DGLUCY: variants seen among roughly 807,000 people sequenced by gnomAD.
DGLUCY encodes D-glutamate cyclase.
A neutral mutation model predicts 58.5 loss-of-function variants in DGLUCY; 58 were observed. That is an observed-to-expected ratio of 0.99 (90% CI 0.80 to 1.23). DGLUCY has a LOEUF of 1.23. Among genes scored for constraint, DGLUCY ranks in the 50% most tolerant of loss-of-function variants. DGLUCY has a pLI of 0.00. For missense variants in DGLUCY, 779 were observed against 784.7 expected (o/e 0.99, Z 0.09); for synonymous variants, 325 against 314.1 (o/e 1.03, Z -0.37).
intron 1 of DGLUCY, among the ~76,000 whole-genome samples, chr14:91,127,013 G>A (rs1387882005): frequency 6.6e-6 from 1 of 151,042 alleles, no homozygotes; most frequent in Admixed American, 6.6e-5. Flanking sequence ...AAGCAAAGCT[G>A]GCCGATGTAC....
intron 8 of DGLUCY, among the ~76,000 whole-genome samples, chr14:91,184,897 C>T (rs1052908205): frequency 3.9e-5 from 6 of 152,136 alleles, no homozygotes; most frequent in Admixed American, 6.5e-5. Context: ...AAACCCACCA[C>T]AGATACACCT....
chr14:91,219,958 C>T (rs4259984), intron 13 of DGLUCY, among the ~76,000 whole-genome samples: 26,718 of 152,172 alleles, frequency 0.18, 3,237 homozygotes, highest in Non-Finnish European at 0.26. Flanking sequence ...GATGAGGCCT[C>T]GGGAAGCCCC....
At chr14:91,128,010 C>T (rs1427218989) in intron 1 of DGLUCY, among the ~76,000 whole-genome samples, 1 of 151,044 alleles carries the variant, frequency 6.6e-6, no homozygotes, top group African/African-American at 2.4e-5. Context: ...GAGGCTTTGG[C>T]TACCTTGCAC....
In DGLUCY at chr14:91,170,045, C is replaced by T; in HGVS notation, c.300C>T (p.Cys100=). The T allele has an allele frequency of 6.2e-7, 1 of 1,612,330 alleles. No homozygotes were observed. Among genetic ancestry groups the T allele is most frequent in the Middle Eastern group, 2.2e-4 (1 of 4,508 alleles). The change falls in exon 5 of 14, where the codon TGC becomes TGT. Residue 100 remains cysteine (C), a synonymous_variant. Coordinates refer to ENST00000256324, the MANE Select transcript of DGLUCY (RefSeq NM_001102368.3). Reference sequence around the variant, plus strand: ...TCTGGAAATACGAGTTCGGTGCCTGCACCGGCAGCCTGGCTTCGCTGGAGC... The same window carrying T: ...TCTGGAAATACGAGTTCGGTGCCTGTACCGGCAGCCTGGCTTCGCTGGAGC... ...PQFWKYEFGA[C]TGSLASLEQY...
At chr14:91,188,847 A>G (rs1451073672) in intron 8 of DGLUCY, 63 bp from the exon 9 acceptor site, 21 of 1,495,968 alleles carry the variant, frequency 1.4e-5, no homozygotes, top group Non-Finnish European at 1.9e-5. Context: ...AAATACATAC[A>G]TACATACATA....
chr14:91,162,773 T>A (rs542676172), intron 3 of DGLUCY, among the ~76,000 whole-genome samples: 1 of 152,052 alleles, frequency 6.6e-6, no homozygotes, highest in African/African-American at 2.4e-5. Context: ...GGTGTGCACC[T>A]GTAGTCCCAG....
At chr14:91,204,356 G>C (rs1244251676) in intron 11 of DGLUCY, among the ~76,000 whole-genome samples, 1 of 152,118 alleles carries the variant, frequency 6.6e-6, no homozygotes, top group South Asian at 2.1e-4. Flanking sequence ...CCCCCGGGGG[G>C]CTCAGTGAGC....
intron 6 of DGLUCY, 154 bp downstream of exon 6, chr14:91,173,593 G>A: frequency 1.8e-6 from 2 of 1,126,686 alleles, no homozygotes; most frequent in Non-Finnish European, 2.4e-6. Context: ...CTCTCTTGGA[G>A]TTGGGCCTAA....
intron 12 of DGLUCY, among the ~76,000 whole-genome samples, chr14:91,208,103 GCAGAATT>G (rs1280594357): frequency 3.3e-5 from 5 of 152,118 alleles, no homozygotes; most frequent in Admixed American, 1.3e-4. Flanking sequence ...AGCAACCAAT[GCAGAATT>G]CTGTGCCCTG....
At chr14:91,161,913 C>T (rs1287916258) in intron 3 of DGLUCY, among the ~76,000 whole-genome samples, 2 of 151,534 alleles carry the variant, frequency 1.3e-5, no homozygotes, top group Admixed American at 1.3e-4. Flanking sequence ...TAGTCTACAG[C>T]AACCTGTTAT....
chr14:91,101,620 G>C (rs1280716425), intron 1 of DGLUCY, among the ~76,000 whole-genome samples: 2 of 152,160 alleles, frequency 1.3e-5, no homozygotes, highest in Non-Finnish European at 2.9e-5. Flanking sequence ...TCATAAAATT[G>C]GCTTATGGAC....
At chr14:91,212,572 C>T (rs1487457818) in intron 12 of DGLUCY, among the ~76,000 whole-genome samples, 2 of 152,312 alleles carry the variant, frequency 1.3e-5, no homozygotes, top group East Asian at 1.9e-4. Context: ...CATAGTGGCT[C>T]ATGCCTGTAA....
intron 13 of DGLUCY, 30 bp downstream of exon 13, chr14:91,215,586 G>A (rs200390996): frequency 4.0e-5 from 65 of 1,613,014 alleles, no homozygotes; most frequent in Non-Finnish European, 8.5e-6. Context: ...CGCTCGCCTG[G>A]AAGCAGCTTT....
chr14:91,149,896 CAG>C (rs1219306551), intron 1 of DGLUCY, among the ~76,000 whole-genome samples: 11 of 152,310 alleles, frequency 7.2e-5, no homozygotes, highest in Middle Eastern at 6.8e-3. Context: ...GCTGGGCAGA[CAG>C]AGTTATTCCC....
intron 1 of DGLUCY, among the ~76,000 whole-genome samples, chr14:91,097,235 G>A (rs569232888): frequency 2.4e-4 from 37 of 151,936 alleles, no homozygotes; most frequent in African/African-American, 7.0e-4. Context: ...TGTCTATACC[G>A]AAAAAATACA....
chr14:91,174,690 C>G (rs2048760827), intron 6 of DGLUCY, among the ~76,000 whole-genome samples: 1 of 152,186 alleles, frequency 6.6e-6, no homozygotes, highest in Non-Finnish European at 1.5e-5. Flanking sequence ...TAATCAAACT[C>G]AAAGAGTTTG....
chr14:91,181,253 T>A lies in DGLUCY; in HGVS notation c.798T>A (p.Ala266=), dbSNP rs1417432804. ...TVMTDLKDAK[A]PPGCLTPERI... is the part of the protein sequence containing the mutation. ...TGACTGACCTGAAGGATGCAAAGGCTCCACCTGGTTGTCTCACCCCAGAGA... is the reference window on the plus strand; with the variant it reads ...TGACTGACCTGAAGGATGCAAAGGCACCACCTGGTTGTCTCACCCCAGAGA... Residue 266 remains alanine (A), a synonymous_variant, in exon 8 of 14, where the codon GCT becomes GCA. Coordinates refer to ENST00000256324, the MANE Select transcript of DGLUCY (RefSeq NM_001102368.3). 6.2e-7 allele frequency: 1 copy of A among 1,614,018 alleles called. No individual in the cohort carries two copies. Among genetic ancestry groups the A allele is most frequent in the African/African-American group, 1.3e-5 (1 of 74,918 alleles).
Position 91,170,156 on chromosome 14 carries a change from C to G in DGLUCY, c.411C>G (p.Leu137=). 1 of 1,613,678 alleles carries G rather than the reference C, an allele frequency of 6.2e-7. No homozygotes were observed. Among genetic ancestry groups the G allele is most frequent in the Non-Finnish European group, 8.5e-7 (1 of 1,180,026 alleles). ...AGGAGGCCTTGGAGAAAGCGGGGCT[C>G]CCCAGAAGAGACCCAGCAGGTCACA... ...SLEEALEKAG[L]PRRDPAGHSQ... Residue 137 remains leucine (L), a synonymous_variant, in exon 5 of 14, where the codon CTC becomes CTG. Transcript: ENST00000256324.
chr14:91,179,935 A>C (rs1295306967), intron 7 of DGLUCY, among the ~76,000 whole-genome samples: 2 of 106,344 alleles, frequency 1.9e-5, no homozygotes, highest in African/African-American at 7.5e-5. Context: ...TCTGTTGCCT[A>C]GGCTGGAGTG....
Sources: allele counts gnomAD v4.1 joint callset (sites outside exome capture counted in the v4.1 genomes callset), GRCh38; gene constraint gnomAD v4.1.1; transcripts MANE v1.5; gene names NCBI Gene and HGNC (gene_info 2026-07-23, HGNC 2026-07-21).